Variants in OXCT1 observed in about 807,000 individuals in gnomAD.
OXCT1 encodes succinyl-CoA:3-ketoacid coenzyme A transferase 1, mitochondrial.
Under a neutral mutation model 69.6 loss-of-function variants are expected in OXCT1, and 27 were observed. The observed-to-expected ratio is 0.39, with a 90% confidence interval of 0.29 to 0.54. The LOEUF is 0.54. Ranked by LOEUF, OXCT1 falls within the 20% of genes least tolerant of loss-of-function variation. OXCT1 has a pLI of 0.72. For missense variants in OXCT1, 437 were observed against 650.2 expected (o/e 0.67, Z 3.57); for synonymous variants, 202 against 217.8 (o/e 0.93, Z 0.64).
At chr5:41,833,922 C>T (rs1748222538) in intron 7 of OXCT1, among the ~76,000 whole-genome samples, 1 of 151,272 alleles carries the variant, frequency 6.6e-6, no homozygotes, top group Non-Finnish European at 1.5e-5. Context: ...ATTAGTTGGG[C>T]GTGGTGGTGC....
At chr5:41,761,460 A>G (rs1199906695) in intron 14 of OXCT1, among the ~76,000 whole-genome samples, 2 of 152,098 alleles carry the variant, frequency 1.3e-5, no homozygotes, top group Non-Finnish European at 2.9e-5. Flanking sequence ...TATTATTGCA[A>G]TGTGAAGGAA....
rs748855284 is a variant in OXCT1 at position 41,762,180 on chromosome 5, C to G, written c.1269G>C (p.Met423Ile). 1 of 1,613,114 alleles carries G rather than the reference C, an allele frequency of 6.2e-7. No homozygotes were observed. The highest frequency in any genetic ancestry group is 2.2e-5 in the East Asian group (1 of 44,854). Residue 423 changes from methionine (M) to isoleucine (I), a missense_variant, in exon 14 of 17, where the codon ATG (methionine) becomes ATC (isoleucine). Met to Ile is a conservative substitution (Grantham distance 10). Around this residue, in one of 4 missense-constraint regions of OXCT1, gnomAD observed 102 missense variants for 162.1 expected, o/e 0.63. Coordinates refer to ENST00000196371, the MANE Select transcript of OXCT1 (RefSeq NM_000436.4). This position sits in a 1 kb window ranked among gnomAD's most constrained non-coding sequence, Gnocchi z 4.0. Reference protein sequence around the residue: ...WMIPGKMVKGMGGAMDLVSSA... With the variant: ...WMIPGKMVKGIGGAMDLVSSA... ...TGGACACTAAATCCATAGCACCTCC[C>G]ATTCCTTTCACCATCTTCCCCTGCA...
chr5:41,817,429 C>G (rs959801209), intron 7 of OXCT1, among the ~76,000 whole-genome samples: 5 of 152,138 alleles, frequency 3.3e-5, no homozygotes, highest in African/African-American at 9.7e-5. Flanking sequence ...ACCGTTAAGT[C>G]TATACTAGTT....
intron 3 of OXCT1, among the ~76,000 whole-genome samples, chr5:41,858,036 T>A (rs1465723116): frequency 6.6e-6 from 1 of 152,190 alleles, no homozygotes; most frequent in Non-Finnish European, 1.5e-5. Flanking sequence ...CCATTTTAAG[T>A]TGGCTCTATT....
chr5:41,776,726 T>C (rs1745142207), intron 13 of OXCT1, among the ~76,000 whole-genome samples: 1 of 152,256 alleles, frequency 6.6e-6, no homozygotes, highest in Non-Finnish European at 1.5e-5. Context: ...AGTTAGTCTC[T>C]GAATAAATAA....
chr5:41,853,398 A>G, intron 4 of OXCT1, 21 bp downstream of exon 4: 1 of 1,609,948 alleles, frequency 6.2e-7, no homozygotes, highest in South Asian at 1.1e-5. Flanking sequence ...AGTATTATAA[A>G]AGAAAAGCAA....
chr5:41,823,374 A>G (rs1747656338), intron 7 of OXCT1, among the ~76,000 whole-genome samples: 1 of 152,194 alleles, frequency 6.6e-6, no homozygotes, highest in African/African-American at 2.4e-5. Flanking sequence ...CAGAAATATG[A>G]AGCCCCTCCC....
Position 41,861,418 on chromosome 5 carries a change from A to C in OXCT1, c.188-14T>G, listed in dbSNP as rs750654895. 19 of 1,488,244 alleles carry C rather than the reference A, an allele frequency of 1.3e-5. No homozygotes were observed. Among genetic ancestry groups the C allele is most frequent in the Non-Finnish European group, 5.6e-6 (6 of 1,065,924 alleles). 92.2% of individuals were successfully genotyped at this position (1,488,244 alleles called of 1,614,324 possible). A position where few individuals can be genotyped will look rare whatever the true frequency, so the allele number is the denominator to read the frequency against. Reference sequence around the variant, plus strand: ...ATAGCCCAAAACCTATATTAAGCCCAAAAAATAAACAATTTGTAAAGGGGG... The same window carrying C: ...ATAGCCCAAAACCTATATTAAGCCCCAAAAATAAACAATTTGTAAAGGGGG... On this transcript the variant is annotated splice_polypyrimidine_tract_variant and intron_variant, in intron 2 of 16. Transcript: ENST00000196371.
At chr5:41,857,093 A>G (rs1749463152) in intron 3 of OXCT1, among the ~76,000 whole-genome samples, 1 of 152,106 alleles carries the variant, frequency 6.6e-6, no homozygotes, top group African/African-American at 2.4e-5. Context: ...CTATCAGGAA[A>G]TCCTGATTCC....
In OXCT1 at chr5:41,731,572, C is replaced by T. The variant is rs555729750; in HGVS notation, c.*157G>A. 43 of 1,103,192 alleles carry T rather than the reference C, an allele frequency of 3.9e-5. No individual in the cohort carries two copies. In the East Asian group the frequency reaches 5.8e-4, roughly 15 times the overall value. 68.3% of individuals were successfully genotyped at this position (1,103,192 alleles called of 1,614,324 possible). A position where few individuals can be genotyped will look rare whatever the true frequency, so the allele number is the denominator to read the frequency against. On this transcript the variant is annotated 3_prime_UTR_variant, in exon 17 of 17. Coordinates refer to ENST00000196371, the MANE Select transcript of OXCT1 (RefSeq NM_000436.4). ...TTTTTATTAAAATGTCACAGCATGC[C>T]TAGAGAACAGTTTATATGGCTGCAT...
chr5:41,751,684 A>C (rs1245399251), intron 14 of OXCT1, among the ~76,000 whole-genome samples: 3 of 152,128 alleles, frequency 2.0e-5, no homozygotes, highest in African/African-American at 4.8e-5. Flanking sequence ...TATTTCTAAA[A>C]CCTGCGAGGA....
At chr5:41,785,793 A>G (rs1745612897) in intron 13 of OXCT1, among the ~76,000 whole-genome samples, 1 of 152,202 alleles carries the variant, frequency 6.6e-6, no homozygotes, top group Non-Finnish European at 1.5e-5. Context: ...AAGGTTTTGT[A>G]TGAAGGATTT....
chr5:41,812,848 C>G (rs980192812), intron 7 of OXCT1, among the ~76,000 whole-genome samples: 2 of 151,952 alleles, frequency 1.3e-5, no homozygotes, highest in African/African-American at 4.8e-5. Flanking sequence ...ATCCCAGGAC[C>G]CTTAAAGAGC....
intron 11 of OXCT1, 53 bp from the exon 12 acceptor site, chr5:41,794,802 A>G: frequency 6.3e-7 from 1 of 1,581,036 alleles, no homozygotes; most frequent in Non-Finnish European, 8.6e-7. Flanking sequence ...TTCTAAGAGT[A>G]TCATGGTGAA....
chr5:41,786,943 A>G (rs1189294275), intron 13 of OXCT1, among the ~76,000 whole-genome samples: 1 of 152,260 alleles, frequency 6.6e-6, no homozygotes, highest in African/African-American at 2.4e-5. Context: ...AAGGTCTCCA[A>G]AACAAGAGAG....
intron 3 of OXCT1, among the ~76,000 whole-genome samples, chr5:41,859,694 GATT>G (rs1418738114): frequency 1.3e-5 from 2 of 151,672 alleles, no homozygotes; most frequent in Non-Finnish European, 2.9e-5. Flanking sequence ...GCCTACATCT[GATT>G]ATTAACTCCT....
At chr5:41,738,818 T>C (rs1364993710) in intron 16 of OXCT1, among the ~76,000 whole-genome samples, 1 of 152,222 alleles carries the variant, frequency 6.6e-6, no homozygotes, top group East Asian at 1.9e-4. Context: ...CTTAAACGGA[T>C]ACTCCCCTGA....
At chr5:41,828,361 T>G (rs1402695951) in intron 7 of OXCT1, among the ~76,000 whole-genome samples, 1 of 151,676 alleles carries the variant, frequency 6.6e-6, no homozygotes, top group African/African-American at 2.4e-5. Context: ...TGACCTCAGG[T>G]GATCCACCCT....
At chr5:41,791,761 C>A (rs773640789) in intron 13 of OXCT1, among the ~76,000 whole-genome samples, 10 of 152,042 alleles carry the variant, frequency 6.6e-5, no homozygotes, top group Non-Finnish European at 1.0e-4. Flanking sequence ...ATGCTTTTCT[C>A]TTCTTTGCCA....
Sources: allele counts gnomAD v4.1 joint callset (sites outside exome capture counted in the v4.1 genomes callset), GRCh38; gene constraint gnomAD v4.1.1; regional missense constraint gnomAD v4.1.1; non-coding constraint Gnocchi (gnomAD v3.1); transcripts MANE v1.5; gene names NCBI Gene and HGNC (gene_info 2026-07-23, HGNC 2026-07-21).